The following TNFSF4 variants were observed in gnomAD, a reference collection of about 807,000 sequenced individuals.
The protein encoded by TNFSF4 is tumor necrosis factor ligand superfamily member 4.
TNFSF4 carries 4 observed loss-of-function variants against 7.3 expected under a neutral mutation model. The ratio of observed to expected loss-of-function variants is 0.55; its 90% CI spans 0.27 to 1.25. TNFSF4 has a LOEUF of 1.25. TNFSF4 is among the 50% of genes most tolerant of loss of function. TNFSF4 has a pLI of 0.12. For missense variants in TNFSF4, 181 were observed against 208.8 expected, an observed-to-expected ratio of 0.87 and a Z score of 0.82; for synonymous variants, 76 against 83.7, an observed-to-expected ratio of 0.91 and a Z score of 0.50.
the TNFSF4 span, among the ~76,000 whole-genome samples, chr1:173,269,587 G>A: frequency 1.0e-3 from 158 of 152,142 alleles, no homozygotes; most frequent in African/African-American, 3.6e-3. Context: ...CTGATAAGCC[G>A]GATGGCTATG....
chr1:173,227,114 T>C, the TNFSF4 span, among the ~76,000 whole-genome samples: 42 of 31,380 alleles, frequency 1.3e-3, no homozygotes, highest in African/African-American at 0.022. Context: ...ATTCTTTTGT[T>C]TTTTTTTTTT....
chr1:173,328,420 G>C, the TNFSF4 span, among the ~76,000 whole-genome samples: 3 of 151,298 alleles, frequency 2.0e-5, no homozygotes, highest in South Asian at 6.3e-4. Context: ...CGAGTTAATG[G>C]GTGCAGCACA....
At chr1:173,253,469 G>A in the TNFSF4 span, among the ~76,000 whole-genome samples, 1 of 152,214 alleles carries the variant, frequency 6.6e-6, no homozygotes, top group African/African-American at 2.4e-5. Flanking sequence ...AAAAAGTAAA[G>A]TTGGGAGTTG....
At chr1:173,212,066 A>G (rs549983356), upstream of TNFSF4, among the ~76,000 whole-genome samples, 103 of 152,266 alleles carry the variant, frequency 6.8e-4, 1 homozygote, top group African/African-American at 2.3e-3. Flanking sequence ...GGTAAAAGAG[A>G]GCTAGAGTGT....
At chr1:173,292,717 A>G in the TNFSF4 span, among the ~76,000 whole-genome samples, 1 of 152,082 alleles carries the variant, frequency 6.6e-6, no homozygotes, top group South Asian at 2.1e-4. Context: ...CTCTCTTCAC[A>G]GATAATAGAA....
the TNFSF4 span, among the ~76,000 whole-genome samples, chr1:173,394,216 TAAAAAAAAAAA>T: frequency 8.9e-6 from 1 of 112,622 alleles, no homozygotes; most frequent in African/African-American, 3.6e-5. Flanking sequence ...ACTCCATCTT[TAAAAAAAAAAA>T]AAAAAAAAAA....
the TNFSF4 span, among the ~76,000 whole-genome samples, chr1:173,278,717 A>G: frequency 6.6e-6 from 1 of 152,080 alleles, no homozygotes. Context: ...AATGGGAGGC[A>G]CAGCAAGGGG....
chr1:173,261,463 G>T, the TNFSF4 span, among the ~76,000 whole-genome samples: 17 of 152,020 alleles, frequency 1.1e-4, no homozygotes, highest in Admixed American at 2.0e-4. Flanking sequence ...CAGAAGAAAA[G>T]AAATAACCAA....
chr1:173,402,982 A>G, the TNFSF4 span, among the ~76,000 whole-genome samples: 2,736 of 152,150 alleles, frequency 0.018, 89 homozygotes, highest in African/African-American at 0.062. Flanking sequence ...CTGCCTGAGT[A>G]GCTGGGACCA....
the TNFSF4 span, among the ~76,000 whole-genome samples, chr1:173,337,405 G>A: frequency 6.6e-6 from 1 of 152,100 alleles, no homozygotes; most frequent in African/African-American, 2.4e-5. Flanking sequence ...GTAAATATGA[G>A]GTCAGGCCCA....
chr1:173,420,899 T>C, the TNFSF4 span, among the ~76,000 whole-genome samples: 2 of 152,232 alleles, frequency 1.3e-5, no homozygotes, highest in Non-Finnish European at 2.9e-5. Context: ...GGCTCCTGTA[T>C]GGCCAATTGT....
chr1:173,334,004 T>C, the TNFSF4 span, among the ~76,000 whole-genome samples: 1 of 152,042 alleles, frequency 6.6e-6, no homozygotes, highest in African/African-American at 2.4e-5. Flanking sequence ...TCTTGAGACT[T>C]GTCAGCCTCC....
At chr1:173,255,875 C>A in the TNFSF4 span, among the ~76,000 whole-genome samples, 1 of 152,152 alleles carries the variant, frequency 6.6e-6, no homozygotes, top group Non-Finnish European at 1.5e-5. Context: ...TGGTGTAGGT[C>A]AGGATTCAGT....
the TNFSF4 span, among the ~76,000 whole-genome samples, chr1:173,215,998 C>A: frequency 1.3e-5 from 2 of 152,122 alleles, no homozygotes; most frequent in African/African-American, 4.8e-5. Context: ...CCTATCAAAT[C>A]AAAATCCAGA....
chr1:173,426,473 T>C, the TNFSF4 span, among the ~76,000 whole-genome samples: 1 of 152,198 alleles, frequency 6.6e-6, no homozygotes, highest in Non-Finnish European at 1.5e-5. Context: ...CCAGAACCTG[T>C]AAATGTGCTG....
At chr1:173,335,826 C>T in the TNFSF4 span, among the ~76,000 whole-genome samples, 1 of 152,168 alleles carries the variant, frequency 6.6e-6, no homozygotes, top group African/African-American at 2.4e-5. Context: ...TACCAGCCTT[C>T]CCTAAAGTAA....
the TNFSF4 span, among the ~76,000 whole-genome samples, chr1:173,360,567 T>C: frequency 1.3e-5 from 2 of 152,344 alleles, no homozygotes; most frequent in East Asian, 3.9e-4. Context: ...CTTGTTGCTT[T>C]TATGACCTTG....
the TNFSF4 span, chr1:173,363,131 C>G: frequency 6.0e-6 from 2 of 335,720 alleles, no homozygotes; most frequent in Admixed American, 3.8e-5. Context: ...TTACATTTTT[C>G]TTTCTGCAAG....
chr1:173,249,446 G>A, the TNFSF4 span, among the ~76,000 whole-genome samples: 1 of 152,192 alleles, frequency 6.6e-6, no homozygotes, highest in African/African-American at 2.4e-5. Context: ...GCAAGGGAAA[G>A]CTATACTCTT....
Sources: gnomAD v4.1 joint callset for allele counts (sites outside exome capture counted in the v4.1 genomes callset) on GRCh38, gnomAD v4.1.1 for gene constraint, MANE v1.5 for transcripts, NCBI Gene and HGNC (gene_info 2026-07-23, HGNC 2026-07-21) for gene names.